Variants in FAM227A observed in about 807,000 individuals in gnomAD.
The protein encoded by FAM227A is family with sequence similarity 227 member A, also known as protein FAM227A.
A neutral mutation model predicts 74.7 loss-of-function variants in FAM227A; 80 were observed. The observed-to-expected ratio is 1.07, with a 90% CI of 0.89 to 1.29. The LOEUF (loss-of-function observed/expected upper bound fraction) is 1.29. Ranked by LOEUF, FAM227A falls within the 50% of genes most tolerant of loss-of-function variation. FAM227A has a pLI of 0.00. For synonymous variants in FAM227A, 237 were observed against 241.8 expected, an observed-to-expected ratio of 0.98 and a Z score of 0.19; for missense variants, 654 against 683.4, an observed-to-expected ratio of 0.96 and a Z score of 0.48.
At chr22:38,615,631 C>T (rs1407957869) in intron 11 of FAM227A, among the ~76,000 whole-genome samples, 1 of 152,160 alleles carries the variant, frequency 6.6e-6, no homozygotes, top group African/African-American at 2.4e-5. Flanking sequence ...TGTGGGAGGG[C>T]ATGGGTGCCA....
chr22:38,587,248 G>A (rs2090830241), intron 16 of FAM227A, among the ~76,000 whole-genome samples: 1 of 152,112 alleles, frequency 6.6e-6, no homozygotes, highest in Non-Finnish European at 1.5e-5. Context: ...TCTGAAGCTG[G>A]TAGAAGGAAG....
intron 2 of FAM227A, among the ~76,000 whole-genome samples, chr22:38,647,450 AAAAAC>A (rs1341822489): frequency 1.4e-4 from 21 of 152,124 alleles, no homozygotes; most frequent in Admixed American, 1.2e-3. Context: ...AGTGACAAAA[AAAAAC>A]AAAACAACGA....
rs1569240333 is a variant in FAM227A at position 38,645,648 on chromosome 22, GGGA to G, written c.143-6_143-4del. 3 of 1,547,808 alleles carry G rather than the reference GGGA, an allele frequency of 1.9e-6. No individual in the cohort carries two copies. The Admixed American group carries it at 5.9e-5, about 31-fold the overall frequency. On this transcript the variant is annotated splice_polypyrimidine_tract_variant and splice_region_variant and intron_variant, in intron 2 of 16. Coordinates refer to ENST00000535113, the MANE Select transcript of FAM227A (RefSeq NM_001013647.2). ...GTGCATGGAGCCAATAAGGCATGCT[GGGA>G]GGTTAGTCTGCTAAGGAAACTCAGG...
At chr22:38,613,341 A>ATATATAATATATAT (rs1256863632) in intron 11 of FAM227A, among the ~76,000 whole-genome samples, 15 of 49,048 alleles carry the variant, frequency 3.1e-4, no homozygotes, top group East Asian at 1.3e-3. Context: ...ATAATATATA[A>ATATATAATATATAT]CATATATTAT....
intron 2 of FAM227A, among the ~76,000 whole-genome samples, chr22:38,649,493 G>A (rs186544859): frequency 9.9e-5 from 15 of 151,806 alleles, no homozygotes; most frequent in African/African-American, 2.7e-4. Flanking sequence ...TTGAACTTGG[G>A]AAGTGGAGGT....
chr22:38,586,921 G>A (rs2090822913), intron 16 of FAM227A, among the ~76,000 whole-genome samples: 2 of 151,730 alleles, frequency 1.3e-5, no homozygotes, highest in South Asian at 2.1e-4. Context: ...CTCGTGATCC[G>A]CCTGCCTTGG....
At chr22:38,589,534 C>A (rs2090887170) in intron 16 of FAM227A, among the ~76,000 whole-genome samples, 1 of 152,066 alleles carries the variant, frequency 6.6e-6, no homozygotes, top group South Asian at 2.1e-4. Flanking sequence ...AAGGACTCTA[C>A]CCTCTGGACT....
In FAM227A at chr22:38,582,173, A is replaced by AC. The variant is rs552335336; in HGVS notation, c.*3951dup. The AC allele has an allele frequency of 2.4e-5, 15 of 622,978 alleles. No homozygotes were observed. The South Asian group carries it at 2.8e-4, about 12-fold the overall frequency. The allele number at this position is 622,978 out of a possible 1,614,324, so 38.6% of individuals were successfully genotyped here. A position where few individuals can be genotyped will look rare whatever the true frequency, so the allele number is the denominator to read the frequency against. On this transcript the variant is annotated 3_prime_UTR_variant, in exon 17 of 17. Transcript: ENST00000535113. ...AATCAAGATAGTAGACATATCTGTC[A>AC]CCCCCAAAAGTTTATTTGGGCCTCT...
intron 11 of FAM227A, among the ~76,000 whole-genome samples, chr22:38,619,993 G>A (rs772557823): frequency 6.6e-5 from 10 of 152,022 alleles, no homozygotes; most frequent in East Asian, 3.9e-4. Context: ...CTTCTCAATC[G>A]CTGCATTTCT....
chr22:38,603,306 G>A (rs188333159), intron 13 of FAM227A, among the ~76,000 whole-genome samples: 3 of 152,108 alleles, frequency 2.0e-5, no homozygotes, highest in East Asian at 1.9e-4. Context: ...TGACCAACAC[G>A]GCAAAACCCC....
intron 12 of FAM227A, 70 bp downstream of exon 12, chr22:38,607,319 A>G: frequency 1.6e-6 from 2 of 1,234,050 alleles, no homozygotes; most frequent in Non-Finnish European, 2.3e-6. Flanking sequence ...ATACGAACCC[A>G]AGAAACCAGG....
chr22:38,601,200 C>T (rs2091169507), intron 13 of FAM227A, among the ~76,000 whole-genome samples: 1 of 151,940 alleles, frequency 6.6e-6, no homozygotes, highest in African/African-American at 2.4e-5. Flanking sequence ...ATGATGAATA[C>T]TAATAAGATC....
At chr22:38,627,399 C>T (rs1423113122) in intron 8 of FAM227A, among the ~76,000 whole-genome samples, 3 of 151,694 alleles carry the variant, frequency 2.0e-5, no homozygotes, top group Non-Finnish European at 4.4e-5. Context: ...GAAACCCTGT[C>T]TCTACTAAAA....
At chr22:38,598,611 A>G (rs1210540734) in intron 14 of FAM227A, among the ~76,000 whole-genome samples, 1 of 152,218 alleles carries the variant, frequency 6.6e-6, no homozygotes, top group African/African-American at 2.4e-5. Flanking sequence ...AAGTCCTCCT[A>G]GTTCATTACG....
rs1420978353 is a variant in FAM227A, at chr22:38,583,629, G to T, written c.*2496C>A. ...GCATTCCCTTTCTGCAGTCAAGAAAGCACGTTCAGAAAGGTCAAGATGCAC... is the reference window on the plus strand; with the variant it reads ...GCATTCCCTTTCTGCAGTCAAGAAATCACGTTCAGAAAGGTCAAGATGCAC... On this transcript the variant is annotated 3_prime_UTR_variant, in exon 17 of 17. Transcript: ENST00000535113. The T allele has an allele frequency of 6.6e-6, 1 of 152,242 alleles. No homozygotes were observed. Among genetic ancestry groups the T allele is most frequent in the Non-Finnish European group, 1.5e-5 (1 of 68,110 alleles). 9.4% of individuals were successfully genotyped at this position (152,242 alleles called of 1,614,324 possible).
rs1354100383 is a variant in FAM227A at position 38,582,386 on chromosome 22, T to G, written c.*3739A>C. On this transcript the variant is annotated 3_prime_UTR_variant, in exon 17 of 17. Transcript: ENST00000535113. ...TTTATCTTCTTCCATGCTGAGAGTA[T>G]GGGTTTTCAGCAACACTGGGAATGA... 1 of 1,550,536 alleles carries G rather than the reference T, an allele frequency of 6.4e-7. No homozygotes were observed.
At chr22:38,634,197 G>A (rs1463898759) in intron 6 of FAM227A, among the ~76,000 whole-genome samples, 1 of 146,406 alleles carries the variant, frequency 6.8e-6, no homozygotes, top group African/African-American at 2.6e-5. Flanking sequence ...ACTCCAGCCT[G>A]GGAGACAGAG....
At chr22:38,630,280 C>T (rs567663737) in intron 6 of FAM227A, among the ~76,000 whole-genome samples, 78 of 152,378 alleles carry the variant, frequency 5.1e-4, no homozygotes, top group African/African-American at 1.8e-3. Context: ...CATGGATAAA[C>T]GAGCCTCATC....
intron 6 of FAM227A, among the ~76,000 whole-genome samples, chr22:38,631,074 A>G (rs1160708822): frequency 1.3e-5 from 2 of 152,198 alleles, no homozygotes; most frequent in Non-Finnish European, 2.9e-5. Flanking sequence ...AGGCTGAGGC[A>G]GGAGAATCGC....
Sources: allele counts gnomAD v4.1 joint callset (sites outside exome capture counted in the v4.1 genomes callset), GRCh38; gene constraint gnomAD v4.1.1; transcripts MANE v1.5; gene names NCBI Gene and HGNC (gene_info 2026-07-23, HGNC 2026-07-21).